Variants in HDAC9 observed in about 807,000 individuals in gnomAD.
HDAC9 encodes histone deacetylase 9, also known as MEF-2 interacting transcription repressor (MITR) protein.
Under a neutral mutation model 139.4 loss-of-function variants are expected in HDAC9, and 41 were observed. That is an observed-to-expected ratio of 0.29 (90% confidence interval 0.23 to 0.38). HDAC9 has a LOEUF of 0.38. Among genes scored for constraint, HDAC9 ranks in the 10% least tolerant of loss-of-function variants. The pLI is 1.00. For missense variants in HDAC9, 1,147 were observed against 1,297.0 expected, an observed-to-expected ratio of 0.88 and a Z score of 1.78; for synonymous variants, 517 against 476.2, an observed-to-expected ratio of 1.09 and a Z score of -1.12.
chr7:18,897,355 G>T (rs1801296934), intron 22 of HDAC9, among the ~76,000 whole-genome samples: 1 of 151,746 alleles, frequency 6.6e-6, no homozygotes, highest in South Asian at 2.1e-4. Context: ...ACAAAGACTT[G>T]GAAGAATTTA....
At chr7:18,852,365 C>T (rs1308245749) in intron 21 of HDAC9, among the ~76,000 whole-genome samples, 1 of 152,172 alleles carries the variant, frequency 6.6e-6, no homozygotes, top group African/African-American at 2.4e-5. Context: ...TGTCCAGGAA[C>T]TTGAGGACGA....
upstream of HDAC9, among the ~76,000 whole-genome samples, chr7:18,493,737 C>A (rs1158203231): frequency 6.6e-6 from 1 of 151,300 alleles, no homozygotes; most frequent in East Asian, 1.9e-4. Flanking sequence ...GTCAAATATA[C>A]CGCAATTTAA....
At chr7:18,503,442 T>G (rs1798925519) in intron 2 of HDAC9, among the ~76,000 whole-genome samples, 1 of 152,254 alleles carries the variant, frequency 6.6e-6, no homozygotes, top group African/African-American at 2.4e-5. Context: ...TCAAGTGTTA[T>G]CAGAGAACGT....
chr7:18,813,521 G>A (rs1045411754), intron 17 of HDAC9, among the ~76,000 whole-genome samples: 1 of 152,044 alleles, frequency 6.6e-6, no homozygotes, highest in African/African-American at 2.4e-5. Flanking sequence ...TGACAACAGG[G>A]GCACATTTAT....
intron 21 of HDAC9, among the ~76,000 whole-genome samples, chr7:18,843,787 T>C (rs1796737578): frequency 6.6e-6 from 1 of 152,190 alleles, no homozygotes; most frequent in Admixed American, 6.6e-5. Flanking sequence ...TGTTTTAATA[T>C]ACTGTAAATA....
At chr7:18,332,360 CATGTGTGT>C (rs1339308165) in intron 1 of HDAC9, among the ~76,000 whole-genome samples, 249 of 114,142 alleles carry the variant, frequency 2.2e-3, no homozygotes, top group African/African-American at 5.5e-3. Flanking sequence ...TGCATGCGCA[CATGTGTGT>C]GTGTGTGTGT....
At chr7:18,879,450 G>C (rs1799562675) in intron 22 of HDAC9, among the ~76,000 whole-genome samples, 1 of 152,024 alleles carries the variant, frequency 6.6e-6, no homozygotes, top group Non-Finnish European at 1.5e-5. Flanking sequence ...CATGGTACTG[G>C]TACAAAAACA....
chr7:18,346,021 T>G (rs1183509097), intron 1 of HDAC9, among the ~76,000 whole-genome samples: 1 of 152,100 alleles, frequency 6.6e-6, no homozygotes, highest in African/African-American at 2.4e-5. Context: ...TCTCAATTTT[T>G]TCTAGAGAGA....
At chr7:18,632,164 T>G (rs560154462) in intron 7 of HDAC9, among the ~76,000 whole-genome samples, 1 of 151,986 alleles carries the variant, frequency 6.6e-6, no homozygotes, top group Non-Finnish European at 1.5e-5. Flanking sequence ...AATTTTTAAA[T>G]TCTACATTTC....
intron 16 of HDAC9, among the ~76,000 whole-genome samples, chr7:18,788,821 C>T (rs1181151842): frequency 3.3e-5 from 5 of 151,606 alleles, no homozygotes; most frequent in Admixed American, 3.3e-4. Flanking sequence ...TGTCAACTTA[C>T]CTGAAACATT....
chr7:18,578,900 A>T (rs1351519669), intron 2 of HDAC9, among the ~76,000 whole-genome samples: 2 of 152,236 alleles, frequency 1.3e-5, no homozygotes, highest in African/African-American at 4.8e-5. Context: ...TGTGCATGCA[A>T]AGAATTTGAG....
chr7:18,656,996 A>G (rs1791440058), intron 11 of HDAC9, among the ~76,000 whole-genome samples: 1 of 152,020 alleles, frequency 6.6e-6, no homozygotes, highest in Non-Finnish European at 1.5e-5. Context: ...GGGTGAGATG[A>G]TGTCTCATTG....
chr7:18,498,846 A>C (rs994466799), intron 2 of HDAC9, among the ~76,000 whole-genome samples: 1 of 152,030 alleles, frequency 6.6e-6, no homozygotes, highest in Admixed American at 6.6e-5. Context: ...CACTATTAGA[A>C]TTGTTGTTTT....
intron 22 of HDAC9, among the ~76,000 whole-genome samples, chr7:18,910,618 C>A (rs1802656402): frequency 6.6e-6 from 1 of 151,958 alleles, no homozygotes; most frequent in Non-Finnish European, 1.5e-5. Context: ...TTGTATCATT[C>A]CAGTTCTTAC....
At chr7:18,434,793 G>A (rs921127845) in intron 1 of HDAC9, among the ~76,000 whole-genome samples, 1 of 152,078 alleles carries the variant, frequency 6.6e-6, no homozygotes, top group African/African-American at 2.4e-5. Flanking sequence ...CAGTTGGTGG[G>A]AATGTAAATT....
In HDAC9 at chr7:18,249,219, C is replaced by T. The variant is rs189372803; in HGVS notation, c.25+86870C>T. Among the ~76,000 whole-genome samples, 12 of 152,032 alleles carry T rather than the reference C, an allele frequency of 7.9e-5. No homozygotes were observed. The East Asian group carries it at 2.1e-3, about 27-fold the overall frequency. ...ATAATATTTTCATAAAATCTTTCTT[C>T]AGTCTGGGTGTGGTGGCTCACGCCT... On this transcript the variant is annotated intron_variant, in intron 2 of 12. Coordinates refer to the HDAC9 transcript ENST00000417496.
intron 1 of HDAC9, among the ~76,000 whole-genome samples, chr7:18,126,123 T>C (rs1468362277): frequency 2.6e-5 from 4 of 152,190 alleles, no homozygotes; most frequent in Non-Finnish European, 5.9e-5. Context: ...ATAACTGATT[T>C]ATTGGATTTC....
chr7:18,371,162 A>G (rs568680318), intron 1 of HDAC9, among the ~76,000 whole-genome samples: 9 of 152,206 alleles, frequency 5.9e-5, no homozygotes, highest in African/African-American at 1.9e-4. Context: ...TGCTAAACAA[A>G]CCTTGCCAGT....
At chr7:18,919,276 A>G (rs1803479067) in intron 22 of HDAC9, among the ~76,000 whole-genome samples, 1 of 151,976 alleles carries the variant, frequency 6.6e-6, no homozygotes, top group Non-Finnish European at 1.5e-5. Context: ...TTGGCATGTA[A>G]CTGTTTATAC....
Sources: allele counts gnomAD v4.1 joint callset (sites outside exome capture counted in the v4.1 genomes callset), GRCh38; gene constraint gnomAD v4.1.1; transcripts MANE v1.5; gene names NCBI Gene and HGNC (gene_info 2026-07-23, HGNC 2026-07-21).